The following LRRTM4 variants were observed in gnomAD, a reference collection of about 807,000 sequenced individuals.
The protein encoded by LRRTM4 is leucine-rich repeat transmembrane neuronal protein 4.
LRRTM4 carries 25 observed loss-of-function variants against 47.6 expected under a neutral mutation model. The ratio of observed to expected loss-of-function variants is 0.53; its 90% CI spans 0.38 to 0.73. The LOEUF (loss-of-function observed/expected upper bound fraction) is 0.73. Ranked by LOEUF, LRRTM4 falls within the 30% of genes least tolerant of loss-of-function variation. The probability of loss-of-function intolerance (pLI) is 0.00; values close to 1 mark genes in which losing one functional copy is unlikely to be tolerated. For synonymous variants in LRRTM4, 311 were observed against 269.5 expected (o/e 1.15, Z -1.51); for missense variants, 638 against 713.4 (o/e 0.89, Z 1.20).
chr2:77,107,582 G>T (rs746424252), intron 3 of LRRTM4, among the ~76,000 whole-genome samples: 57 of 152,146 alleles, frequency 3.7e-4, no homozygotes, highest in Non-Finnish European at 4.6e-4. Flanking sequence ...ACTTCGGGAG[G>T]CCGAGGTGGG....
chr2:77,240,417 C>G (rs149960862), intron 3 of LRRTM4, among the ~76,000 whole-genome samples: 49 of 151,938 alleles, frequency 3.2e-4, no homozygotes, highest in African/African-American at 1.1e-3. Context: ...CCTCAGCAAG[C>G]TAGAAATGAA....
At chr2:77,331,072 G>C (rs542771225) in intron 3 of LRRTM4, among the ~76,000 whole-genome samples, 1 of 152,104 alleles carries the variant, frequency 6.6e-6, no homozygotes, top group South Asian at 2.1e-4. Context: ...AAAGATAAAA[G>C]GTGCAACTGG....
chr2:76,941,124 T>A (rs1273226536), intron 3 of LRRTM4, among the ~76,000 whole-genome samples: 1 of 152,098 alleles, frequency 6.6e-6, no homozygotes, highest in East Asian at 1.9e-4. Flanking sequence ...GAAGGTAAAG[T>A]AAAATATATG....
At chr2:76,894,939 A>G (rs1470616008) in intron 3 of LRRTM4, among the ~76,000 whole-genome samples, 1 of 151,604 alleles carries the variant, frequency 6.6e-6, no homozygotes, top group African/African-American at 2.4e-5. Context: ...TTTATGCATT[A>G]TATTTTATCT....
At chr2:77,397,291 A>G (rs755839588) in intron 3 of LRRTM4, among the ~76,000 whole-genome samples, 5 of 151,798 alleles carry the variant, frequency 3.3e-5, no homozygotes, top group Non-Finnish European at 5.9e-5. Context: ...TAGCCATTAT[A>G]TTTTCAGGCA....
chr2:77,050,441 C>G (rs996848243), intron 3 of LRRTM4, among the ~76,000 whole-genome samples: 4 of 152,192 alleles, frequency 2.6e-5, no homozygotes, highest in Admixed American at 2.6e-4. Context: ...AATAGCATAT[C>G]GGTTTACCAT....
At chr2:77,336,530 G>C (rs1671175236) in intron 3 of LRRTM4, among the ~76,000 whole-genome samples, 2 of 151,954 alleles carry the variant, frequency 1.3e-5, no homozygotes, top group South Asian at 4.1e-4. Flanking sequence ...ACAATTAAGG[G>C]GGCTTTATTC....
chr2:76,781,129 T>C (rs1212837760), intron 3 of LRRTM4, among the ~76,000 whole-genome samples: 2 of 152,274 alleles, frequency 1.3e-5, no homozygotes, highest in African/African-American at 4.8e-5. Context: ...TCCAGCTGCA[T>C]GCTGGGAGAA....
chr2:77,143,952 G>A (rs1232318043), intron 3 of LRRTM4, among the ~76,000 whole-genome samples: 1 of 152,084 alleles, frequency 6.6e-6, no homozygotes, highest in Non-Finnish European at 1.5e-5. Flanking sequence ...TTTGGGGGAC[G>A]GGTTTTCCCT....
At chr2:76,994,447 T>C (rs771520443) in intron 3 of LRRTM4, among the ~76,000 whole-genome samples, 1 of 151,934 alleles carries the variant, frequency 6.6e-6, no homozygotes, top group African/African-American at 2.4e-5. Context: ...TTGGAGAGCA[T>C]AGAGAACTGA....
intron 3 of LRRTM4, among the ~76,000 whole-genome samples, chr2:77,348,160 A>G (rs1477496357): frequency 6.6e-6 from 1 of 152,008 alleles, no homozygotes. Flanking sequence ...TTAAGTGAGC[A>G]TACTTTTTGA....
intron 3 of LRRTM4, among the ~76,000 whole-genome samples, chr2:77,123,743 G>C (rs982139832): frequency 6.6e-6 from 1 of 151,714 alleles, no homozygotes; most frequent in Non-Finnish European, 1.5e-5. Flanking sequence ...ATGCATATTG[G>C]ATGGCACTAC....
chr2:76,917,305 ACTCT>A (rs1028757763), intron 3 of LRRTM4, among the ~76,000 whole-genome samples: 9 of 152,062 alleles, frequency 5.9e-5, no homozygotes, highest in African/African-American at 2.2e-4. Context: ...AGTTCACAGA[ACTCT>A]CTCTAAAATC....
chr2:76,883,540 A>G (rs535335323), intron 3 of LRRTM4, among the ~76,000 whole-genome samples: 2 of 152,238 alleles, frequency 1.3e-5, no homozygotes, highest in African/African-American at 4.8e-5. Context: ...AATTAACCAA[A>G]CTACCCAATG....
At chr2:77,235,765 C>G (rs537343476) in intron 3 of LRRTM4, among the ~76,000 whole-genome samples, 3 of 152,144 alleles carry the variant, frequency 2.0e-5, no homozygotes, top group African/African-American at 7.2e-5. Context: ...TATTTATTGA[C>G]TAGGGAGTCC....
intron 3 of LRRTM4, among the ~76,000 whole-genome samples, chr2:76,902,036 C>A (rs1446192953): frequency 6.6e-6 from 1 of 152,076 alleles, no homozygotes; most frequent in Admixed American, 6.6e-5. Context: ...ATAGTTTTCT[C>A]AGAATGCAAG....
intron 3 of LRRTM4, among the ~76,000 whole-genome samples, chr2:77,037,497 T>C (rs1458903580): frequency 2.0e-5 from 3 of 151,668 alleles, no homozygotes. Flanking sequence ...ATTCTTGAAA[T>C]ATTACTTGCA....
At chr2:77,390,104 C>T (rs1044764926) in intron 3 of LRRTM4, among the ~76,000 whole-genome samples, 11 of 152,078 alleles carry the variant, frequency 7.2e-5, no homozygotes, top group Admixed American at 4.6e-4. Flanking sequence ...TAAGATAATG[C>T]TTAGTCTTAA....
chr2:77,470,149 T>C lies in LRRTM4; in HGVS notation c.1551+48169A>G, dbSNP rs370890101. ...ATATTTGGGCTGTAGGGAAAACCAC[T>C]TCAAAAATGCGTAATACCAGGCAGA... On this transcript the variant is annotated intron_variant, in intron 3 of 3. Transcript: ENST00000409884. Among the ~76,000 whole-genome samples, 12 of 152,274 alleles carry C rather than the reference T, an allele frequency of 7.9e-5. No homozygotes were observed. The East Asian group carries it at 9.7e-4, about 12-fold the overall frequency.
Sources: allele counts gnomAD v4.1 joint callset (sites outside exome capture counted in the v4.1 genomes callset), GRCh38; gene constraint gnomAD v4.1.1; transcripts MANE v1.5; gene names NCBI Gene and HGNC (gene_info 2026-07-23, HGNC 2026-07-21).